DMD: variants seen among roughly 807,000 people sequenced by gnomAD.
DMD encodes dystrophin, also known as mutant dystrophin.
Under a neutral mutation model 330.1 loss-of-function variants are expected in DMD, and 63 were observed. That is an observed-to-expected ratio of 0.19 (90% confidence interval 0.16 to 0.24). The LOEUF is 0.24. Among genes scored for constraint, DMD ranks in the 10% least tolerant of loss-of-function variants. The pLI is 1.00. For synonymous variants in DMD, 1,223 were observed against 959.8 expected (o/e 1.27, Z -5.07); for missense variants, 3,344 against 2,684.1 (o/e 1.25, Z -5.43).
rs331334 is a variant in DMD, at chrX:32,288,709, T to A, written c.6118-1008A>T. 2.3e-3 allele frequency among the ~76,000 whole-genome samples: 252 copies of A among 111,031 alleles called. 1 individual carries two copies. The highest frequency in any genetic ancestry group is 7.8e-3 in the African/African-American group (238 of 30,488). ...AAATAATTATTCTTGCAACACTTTA[T>A]ACAAATAATCAGGCCAAGTATAATA... On this transcript the variant is annotated intron_variant, in intron 42 of 78. Transcript: ENST00000357033.
At chrX:33,010,343 T>C (rs2093675946) in intron 2 of DMD, among the ~76,000 whole-genome samples, 1 of 105,891 alleles carries the variant, frequency 9.4e-6, no homozygotes, top group Non-Finnish European at 1.9e-5. Flanking sequence ...TATGTACATA[T>C]ATATGTGTGT....
chrX:31,163,384 G>C (rs2039069652), intron 74 of DMD, among the ~76,000 whole-genome samples: 1 of 111,508 alleles, frequency 9.0e-6, no homozygotes, highest in South Asian at 3.8e-4. Context: ...TGCCATGATT[G>C]TGAGGCCTTC....
chrX:32,612,222 C>A (rs1312239082), intron 12 of DMD, among the ~76,000 whole-genome samples: 1 of 111,095 alleles, frequency 9.0e-6, no homozygotes, highest in African/African-American at 3.3e-5. Context: ...GACAAAGATT[C>A]TACAGGATTT....
intron 1 of DMD, among the ~76,000 whole-genome samples, chrX:33,220,674 A>G (rs1036808533): frequency 1.8e-5 from 2 of 111,659 alleles, no homozygotes; most frequent in African/African-American, 3.2e-5. Flanking sequence ...TGTTGTGTGA[A>G]TAAAATTGTC....
At chrX:31,442,400 T>C (rs769290216) in intron 60 of DMD, among the ~76,000 whole-genome samples, 9 of 111,836 alleles carry the variant, frequency 8.0e-5, no homozygotes, top group Non-Finnish European at 1.7e-4. Flanking sequence ...CGCTATATCA[T>C]ACTATCTCCT....
chrX:33,273,450 A>G (rs1443190782), intron 1 of DMD, among the ~76,000 whole-genome samples: 2 of 112,413 alleles, frequency 1.8e-5, no homozygotes, highest in Non-Finnish European at 3.8e-5. Flanking sequence ...TTAGAAAAAC[A>G]GGTTTCCAGT....
chrX:32,724,797 G>A (rs2066691142), intron 7 of DMD, among the ~76,000 whole-genome samples: 1 of 111,586 alleles, frequency 9.0e-6, no homozygotes, highest in African/African-American at 3.2e-5. Flanking sequence ...TAATCTTTCA[G>A]CTCTTTTTCT....
intron 1 of DMD, among the ~76,000 whole-genome samples, chrX:33,303,277 T>G (rs895681354): frequency 1.8e-5 from 2 of 111,754 alleles, no homozygotes; most frequent in Non-Finnish European, 3.8e-5. Flanking sequence ...TATTTTACAT[T>G]TTAAAATTTT....
intron 7 of DMD, among the ~76,000 whole-genome samples, chrX:32,735,924 G>A (rs921597127): frequency 4.5e-5 from 5 of 111,753 alleles, no homozygotes; most frequent in Non-Finnish European, 9.4e-5. Flanking sequence ...ATGGGATCTC[G>A]TTAAACTAAA....
intron 48 of DMD, among the ~76,000 whole-genome samples, chrX:31,856,881 A>G (rs1448190984): frequency 8.9e-6 from 1 of 112,358 alleles, no homozygotes; most frequent in Non-Finnish European, 1.9e-5. Flanking sequence ...AATAATTTTA[A>G]AGACAGAGAT....
chrX:33,114,836 G>A (rs1231854270), intron 1 of DMD, among the ~76,000 whole-genome samples: 9 of 111,928 alleles, frequency 8.0e-5, no homozygotes, highest in Admixed American at 3.8e-4. Context: ...TAGCCTCAGT[G>A]TTCCCAGATT....
Position 31,478,328 on chromosome X carries a change from T to C in DMD, c.8715A>G (p.Arg2905=). 1 of 1,211,935 alleles carries C rather than the reference T, an allele frequency of 8.3e-7. No homozygotes were observed. The highest frequency in any genetic ancestry group is 1.1e-6 in the Non-Finnish European group (1 of 895,590). Residue 2905 remains arginine, a synonymous_variant, in exon 59 of 79, where the codon CGA becomes CGG. Transcript: ENST00000357033. ...CAGTATTGACCTCCTCAGCCTGCTTTCGTAGAAGCCGAGTGACATTCTGGG... is the reference window on the plus strand; with the variant it reads ...CAGTATTGACCTCCTCAGCCTGCTTCCGTAGAAGCCGAGTGACATTCTGGG... ...ERAQNVTRLL[R]KQAEEVNTEW...
intron 51 of DMD, among the ~76,000 whole-genome samples, chrX:31,730,826 T>C (rs1265745154): frequency 1.8e-5 from 2 of 111,868 alleles, no homozygotes; most frequent in African/African-American, 3.2e-5. Context: ...ATTTTAAATA[T>C]GATGTTCTAC....
At chrX:32,895,591 G>C (rs1325609733) in intron 2 of DMD, among the ~76,000 whole-genome samples, 2 of 111,224 alleles carry the variant, frequency 1.8e-5, no homozygotes, top group African/African-American at 3.3e-5. Context: ...GCATTCTTGG[G>C]CACCAGCTGG....
intron 55 of DMD, among the ~76,000 whole-genome samples, chrX:31,545,072 G>A (rs1367998677): frequency 8.9e-6 from 1 of 112,006 alleles, no homozygotes; most frequent in African/African-American, 3.2e-5. Context: ...GGGGCTCTAA[G>A]GACTCTCCCT....
intron 41 of DMD, among the ~76,000 whole-genome samples, chrX:32,325,339 G>C (rs1049738459): frequency 2.7e-4 from 30 of 111,284 alleles, no homozygotes; most frequent in African/African-American, 8.8e-4. Flanking sequence ...ATCGCACAGA[G>C]CTCTGAACTA....
chrX:32,432,092 G>C (rs777851143), intron 29 of DMD, among the ~76,000 whole-genome samples: 9 of 111,760 alleles, frequency 8.1e-5, no homozygotes, highest in African/African-American at 2.9e-4. Context: ...TACAAGAATA[G>C]GCCAACACAC....
intron 17 of DMD, among the ~76,000 whole-genome samples, chrX:32,523,026 T>G (rs2046591776): frequency 1.8e-5 from 2 of 111,892 alleles, no homozygotes; most frequent in African/African-American, 6.5e-5. Context: ...TAGAGGTCCC[T>G]GAAACTCAAA....
At chrX:32,243,967 T>TA (rs879773234) in intron 43 of DMD, among the ~76,000 whole-genome samples, 1 of 103,324 alleles carries the variant, frequency 9.7e-6, no homozygotes, top group African/African-American at 3.5e-5. Flanking sequence ...TTTTTTTTTT[T>TA]ATTATACTTT....
Sources: gnomAD v4.1 joint callset for allele counts (sites outside exome capture counted in the v4.1 genomes callset) on GRCh38, gnomAD v4.1.1 for gene constraint, MANE v1.5 for transcripts, NCBI Gene and HGNC (gene_info 2026-07-23, HGNC 2026-07-21) for gene names.